The following CSMD1 variants were observed in gnomAD, a reference collection of about 807,000 sequenced individuals.
CSMD1 encodes the protein CUB and sushi domain-containing protein 1.
Under a neutral mutation model 417.5 loss-of-function variants are expected in CSMD1, and 213 were observed. The ratio of observed to expected loss-of-function variants is 0.51; its 90% CI spans 0.46 to 0.57. The LOEUF is 0.57. Among genes scored for constraint, CSMD1 ranks in the 20% least tolerant of loss-of-function variants. The probability of loss-of-function intolerance (pLI) is 0.00; values close to 1 mark genes in which losing one functional copy is unlikely to be tolerated. For synonymous variants in CSMD1, 2,862 were observed against 1,736.8 expected, an observed-to-expected ratio of 1.65 and a Z score of -16.11; for missense variants, 6,923 against 4,529.7, an observed-to-expected ratio of 1.53 and a Z score of -15.17.
chr8:4,057,666 G>A (rs1341180992), intron 3 of CSMD1, among the ~76,000 whole-genome samples: 7 of 129,666 alleles, frequency 5.4e-5, no homozygotes, highest in Admixed American at 1.5e-4. Context: ...TATAGTTTTA[G>A]GTGTAACGTT....
intron 11 of CSMD1, among the ~76,000 whole-genome samples, chr8:3,479,505 C>T (rs1265507393): frequency 6.6e-6 from 1 of 152,148 alleles, no homozygotes; most frequent in Admixed American, 6.5e-5. Context: ...GTCTTGAACT[C>T]CCGACCTTAG....
intron 2 of CSMD1, among the ~76,000 whole-genome samples, chr8:4,475,773 C>G (rs1800769916): frequency 6.6e-6 from 1 of 151,922 alleles, no homozygotes; most frequent in African/African-American, 2.4e-5. Context: ...CCACCACACA[C>G]AGCTAATTTT....
chr8:3,610,030 G>A (rs1358339693), intron 8 of CSMD1, among the ~76,000 whole-genome samples: 2 of 151,736 alleles, frequency 1.3e-5, no homozygotes, highest in East Asian at 1.9e-4. Context: ...TCAAAATCCT[G>A]ACCTCGAGAT....
intron 12 of CSMD1, among the ~76,000 whole-genome samples, chr8:3,449,941 G>A (rs979584722): frequency 1.1e-4 from 16 of 152,174 alleles, no homozygotes; most frequent in Non-Finnish European, 4.4e-5. Context: ...CCAGTCTTAA[G>A]ACTCACACAG....
chr8:3,314,684 A>C (rs1805612683), intron 23 of CSMD1, among the ~76,000 whole-genome samples: 1 of 152,242 alleles, frequency 6.6e-6, no homozygotes, highest in Non-Finnish European at 1.5e-5. Context: ...CAGCTGATGA[A>C]AATTACTTCT....
At chr8:4,004,900 A>G (rs1322769488) in intron 4 of CSMD1, among the ~76,000 whole-genome samples, 2 of 152,136 alleles carry the variant, frequency 1.3e-5, no homozygotes, top group South Asian at 2.1e-4. Flanking sequence ...GCCCGCCACC[A>G]TGCCCAGCTA....
rs751259990 is a variant in CSMD1, at chr8:2,998,020, T to G, written c.8368A>C (p.Thr2790Pro). The G allele has an allele frequency of 6.2e-7, 1 of 1,613,736 alleles. No individual in the cohort carries two copies. The highest frequency in any genetic ancestry group is 1.1e-5 in the South Asian group (1 of 91,056). ...SNGQWSSPLP[T>P]CRVVNCSDPG... ...TGGATGCTGTTCCTACCTCGACACGTGGGCAGAGGGCTACTCCACTGGCCG... is the reference window on the plus strand; with the variant it reads ...TGGATGCTGTTCCTACCTCGACACGGGGGCAGAGGGCTACTCCACTGGCCG... The change falls in exon 54 of 70, where the codon ACG (threonine) becomes CCG (proline). Residue 2790 changes from threonine (T) to proline (P), a missense_variant. By Grantham distance (38) the Thr-to-Pro change is conservative (BLOSUM62 -1). Transcript: ENST00000635120.
At chr8:4,768,585 G>A (rs1312432731) in intron 1 of CSMD1, among the ~76,000 whole-genome samples, 1 of 152,150 alleles carries the variant, frequency 6.6e-6, no homozygotes, top group Non-Finnish European at 1.5e-5. Flanking sequence ...CGAGCTCAGA[G>A]CTGTTTCTGA....
intron 3 of CSMD1, among the ~76,000 whole-genome samples, chr8:4,249,521 C>G (rs899531414): frequency 2.0e-5 from 3 of 152,220 alleles, no homozygotes; most frequent in Admixed American, 6.5e-5. Flanking sequence ...AGCTCCTCTA[C>G]TGACGTGCAC....
At chr8:3,875,382 C>G (rs921604683) in intron 5 of CSMD1, among the ~76,000 whole-genome samples, 2 of 152,162 alleles carry the variant, frequency 1.3e-5, no homozygotes, top group Admixed American at 6.5e-5. Context: ...TTGGCGACTT[C>G]TGCGTAGACA....
intron 1 of CSMD1, among the ~76,000 whole-genome samples, chr8:4,977,841 G>C (rs1012689682): frequency 6.6e-6 from 1 of 152,200 alleles, no homozygotes; most frequent in Admixed American, 6.5e-5. Flanking sequence ...TGGCCTGATA[G>C]GAATTGACTA....
chr8:3,516,936 A>G (rs1797305773), intron 10 of CSMD1, among the ~76,000 whole-genome samples: 1 of 152,234 alleles, frequency 6.6e-6, no homozygotes, highest in Non-Finnish European at 1.5e-5. Context: ...ATGCCCGTCA[A>G]TCAACGAGTG....
intron 49 of CSMD1, among the ~76,000 whole-genome samples, chr8:3,084,262 G>T (rs1489360616): frequency 6.6e-6 from 1 of 152,130 alleles, no homozygotes; most frequent in Non-Finnish European, 1.5e-5. Flanking sequence ...GGTGGCTCAT[G>T]CCTGTAATCC....
intron 1 of CSMD1, among the ~76,000 whole-genome samples, chr8:4,818,565 G>A (rs188241655): frequency 2.0e-5 from 3 of 152,082 alleles, no homozygotes; most frequent in Non-Finnish European, 4.4e-5. Flanking sequence ...ACACACATGT[G>A]CACATATATT....
intron 48 of CSMD1, among the ~76,000 whole-genome samples, chr8:3,089,225 G>C (rs1416179395): frequency 6.6e-6 from 1 of 152,234 alleles, no homozygotes; most frequent in East Asian, 1.9e-4. Context: ...GATATAGAAT[G>C]AAAAGTCTAA....
intron 10 of CSMD1, among the ~76,000 whole-genome samples, chr8:3,546,380 C>T (rs542487571): frequency 9.2e-5 from 14 of 151,684 alleles, no homozygotes; most frequent in Non-Finnish European, 1.6e-4. Flanking sequence ...ACTAAAAATA[C>T]AAAAAATTAG....
At chr8:4,066,047 G>C (rs1045479247) in intron 3 of CSMD1, among the ~76,000 whole-genome samples, 6 of 152,280 alleles carry the variant, frequency 3.9e-5, no homozygotes, top group Non-Finnish European at 7.4e-5. Flanking sequence ...CCTAAGAAAG[G>C]AATGGGAAAG....
chr8:4,848,501 A>T (rs1801276650), intron 1 of CSMD1, among the ~76,000 whole-genome samples: 2 of 151,880 alleles, frequency 1.3e-5, no homozygotes, highest in South Asian at 4.1e-4. Context: ...GCTGCCAGTC[A>T]TTAAAAGTCT....
At chr8:4,499,939 G>A (rs1011264336) in intron 2 of CSMD1, among the ~76,000 whole-genome samples, 7 of 152,140 alleles carry the variant, frequency 4.6e-5, no homozygotes, top group Non-Finnish European at 7.3e-5. Flanking sequence ...AAATTATCTA[G>A]GGTAGTATGC....
Sources: allele counts gnomAD v4.1 joint callset (sites outside exome capture counted in the v4.1 genomes callset), GRCh38; gene constraint gnomAD v4.1.1; transcripts MANE v1.5; gene names NCBI Gene and HGNC (gene_info 2026-07-23, HGNC 2026-07-21).